The following KLF8 variants were observed in gnomAD, a reference collection of about 807,000 sequenced individuals.
KLF8 encodes KLF transcription factor 8, also known as Krueppel-like factor 8.
KLF8 carries 10 observed loss-of-function variants against 18.2 expected under a neutral mutation model. That is an observed-to-expected ratio of 0.55 (90% CI 0.34 to 0.93). KLF8 has a LOEUF of 0.93. KLF8 is among the 40% of genes least tolerant of loss of function. KLF8 has a pLI of 0.02. For missense variants in KLF8, 264 were observed against 277.9 expected, an observed-to-expected ratio of 0.95 and a Z score of 0.36; for synonymous variants, 109 against 97.3, an observed-to-expected ratio of 1.12 and a Z score of -0.71.
chrX:56,076,988 G>C, the KLF8 span, among the ~76,000 whole-genome samples: 4 of 111,501 alleles, frequency 3.6e-5, no homozygotes, highest in African/African-American at 1.3e-4. Context: ...TGACGGGGTT[G>C]TTTGTTTTTT....
chrX:56,269,019 C>T (rs2067009859), intron 3 of KLF8: 2 of 895,100 alleles, frequency 2.2e-6, no homozygotes, highest in African/African-American at 2.1e-5. Flanking sequence ...CACACACACA[C>T]ACACACACGT....
At chrX:56,101,466 CTT>C in the KLF8 span, among the ~76,000 whole-genome samples, 6 of 111,700 alleles carry the variant, frequency 5.4e-5, no homozygotes, top group Non-Finnish European at 1.1e-4. Context: ...AGGTATTTTC[CTT>C]TGGATATACA....
At chrX:56,163,135 G>A in the KLF8 span, among the ~76,000 whole-genome samples, 2 of 111,722 alleles carry the variant, frequency 1.8e-5, no homozygotes, top group South Asian at 3.7e-4. Flanking sequence ...AGTTCAAATG[G>A]CATTTCTGTC....
the KLF8 span, among the ~76,000 whole-genome samples, chrX:56,220,499 T>G: frequency 8.9e-6 from 1 of 111,810 alleles, no homozygotes; most frequent in East Asian, 2.8e-4. Context: ...CTTTTCTTTT[T>G]TTTTGAGAAA....
At chrX:56,273,959 T>C (rs950309039) in intron 5 of KLF8, among the ~76,000 whole-genome samples, 3 of 112,377 alleles carry the variant, frequency 2.7e-5, no homozygotes, top group Admixed American at 9.4e-5. Flanking sequence ...ATTCTGGCTA[T>C]TGTGAATACT....
At chrX:56,063,889 G>A in the KLF8 span, among the ~76,000 whole-genome samples, 1 of 110,363 alleles carries the variant, frequency 9.1e-6, no homozygotes, top group Non-Finnish European at 1.9e-5. Flanking sequence ...GGCTATGGCA[G>A]CTTCACCGAG....
the KLF8 span, among the ~76,000 whole-genome samples, chrX:56,140,258 A>T: frequency 2.7e-5 from 3 of 112,214 alleles, no homozygotes; most frequent in South Asian, 1.1e-3. Context: ...ATTAATGGGT[A>T]TATACCCAAA....
the KLF8 span, among the ~76,000 whole-genome samples, chrX:56,022,551 C>CAA: frequency 6.6e-3 from 179 of 27,276 alleles, 5 homozygotes; most frequent in East Asian, 0.14. Flanking sequence ...TCTGTCTGAC[C>CAA]AAAAAAAAAA....
the KLF8 span, among the ~76,000 whole-genome samples, chrX:56,155,837 G>A: frequency 1.8e-5 from 2 of 111,020 alleles, no homozygotes; most frequent in Non-Finnish European, 1.9e-5. Flanking sequence ...AGTCCACAAT[G>A]TCTATTGTTT....
chrX:56,186,432 G>C, the KLF8 span, among the ~76,000 whole-genome samples: 1 of 111,148 alleles, frequency 9.0e-6, no homozygotes, highest in East Asian at 2.8e-4. Context: ...TAATGGGAGA[G>C]TTTAACACGC....
At chrX:56,061,468 G>A in the KLF8 span, among the ~76,000 whole-genome samples, 5 of 111,657 alleles carry the variant, frequency 4.5e-5, no homozygotes, top group African/African-American at 1.6e-4. Flanking sequence ...ATCTAGTTGT[G>A]TGGTTTTTAG....
At chrX:56,051,666 G>A in the KLF8 span, among the ~76,000 whole-genome samples, 2 of 110,474 alleles carry the variant, frequency 1.8e-5, no homozygotes, top group African/African-American at 6.7e-5. Context: ...TTCCCTTTGA[G>A]GGTAACCCGA....
chrX:56,214,187 C>T, the KLF8 span, among the ~76,000 whole-genome samples: 5 of 110,411 alleles, frequency 4.5e-5, no homozygotes, highest in Non-Finnish European at 9.5e-5. Flanking sequence ...GTGAGGGGGG[C>T]CAGATGTGGT....
chrX:56,202,926 C>A, the KLF8 span, among the ~76,000 whole-genome samples: 9 of 111,219 alleles, frequency 8.1e-5, no homozygotes, highest in African/African-American at 2.6e-4. Flanking sequence ...GATTTCATTT[C>A]TTTTGGGTAT....
the KLF8 span, among the ~76,000 whole-genome samples, chrX:56,048,247 G>T: frequency 1.8e-5 from 2 of 111,413 alleles, 1 homozygote. Context: ...GATTTCTTTT[G>T]CTGTGCAGAA....
the KLF8 span, among the ~76,000 whole-genome samples, chrX:56,222,709 C>T: frequency 0.015 from 1,662 of 112,928 alleles, 37 homozygotes; most frequent in African/African-American, 0.051. Flanking sequence ...GGGGGCAGGG[C>T]ATGGCGGGCT....
chrX:56,156,024 A>C, the KLF8 span, among the ~76,000 whole-genome samples: 1 of 111,689 alleles, frequency 9.0e-6, no homozygotes, highest in Admixed American at 9.6e-5. Context: ...CATGACATAC[A>C]TGTGCCACAT....
At chrX:56,171,659 G>A in the KLF8 span, among the ~76,000 whole-genome samples, 23 of 111,609 alleles carry the variant, frequency 2.1e-4, no homozygotes, top group African/African-American at 7.5e-4. Flanking sequence ...TGCTCAGAAT[G>A]ATGGTTTCCA....
Position 56,256,088 on chromosome X carries a change from G to A in KLF8, c.81+5784G>A, listed in dbSNP as rs145827545. 9.1e-3 allele frequency among the ~76,000 whole-genome samples: 1,013 copies of A among 111,043 alleles called. 11 individuals carry two copies. The highest frequency in any genetic ancestry group is 0.032 in the African/African-American group (973 of 30,569). On this transcript the variant is annotated intron_variant, in intron 2 of 5. Transcript: ENST00000468660. ...TTGTTATTGGTCTGTTCATGTTTTG[G>A]ATTTCATGGTTCAATCTTGGTAGGT...
Sources: gnomAD v4.1 joint callset for allele counts (sites outside exome capture counted in the v4.1 genomes callset) on GRCh38, gnomAD v4.1.1 for gene constraint, MANE v1.5 for transcripts, NCBI Gene and HGNC (gene_info 2026-07-23, HGNC 2026-07-21) for gene names.